LOC400499: variants seen among roughly 807,000 people sequenced by gnomAD.
At chr16:11,402,129 G>A in the LOC400499 span, 2 of 399,136 alleles carry the variant, frequency 5.0e-6, no homozygotes, top group East Asian at 3.6e-5. Context: ...TGTCGCGGCA[G>A]GGGGAGGGGC....
chr16:11,519,504 A>G, the LOC400499 span, among the ~76,000 whole-genome samples: 2 of 152,190 alleles, frequency 1.3e-5, no homozygotes, highest in Admixed American at 1.3e-4. Flanking sequence ...TGGGAGGGCA[A>G]GGCAGGCGGA....
chr16:11,482,658 AG>A, the LOC400499 span, among the ~76,000 whole-genome samples: 1 of 152,198 alleles, frequency 6.6e-6, no homozygotes, highest in Admixed American at 6.5e-5. Context: ...TGGGAGGCTG[AG>A]GCAGGAGGAT....
the LOC400499 span, chr16:11,396,760 G>A: frequency 8.9e-7 from 1 of 1,123,018 alleles, no homozygotes; most frequent in Non-Finnish European, 1.1e-6. Context: ...GAATGCAGCA[G>A]CAGCTGCCAC....
the LOC400499 span, among the ~76,000 whole-genome samples, chr16:11,382,644 A>G: frequency 6.7e-6 from 1 of 149,520 alleles, no homozygotes; most frequent in African/African-American, 2.5e-5. Flanking sequence ...ACAGTGGTGT[A>G]CATTCAAATC....
chr16:11,376,528 C>G, the LOC400499 span, among the ~76,000 whole-genome samples: 26 of 152,280 alleles, frequency 1.7e-4, no homozygotes, highest in Admixed American at 3.9e-4. Flanking sequence ...TTTCTAGACT[C>G]TGTATTTCAT....
the LOC400499 span, among the ~76,000 whole-genome samples, chr16:11,397,635 T>C: frequency 6.6e-6 from 1 of 152,092 alleles, no homozygotes; most frequent in Non-Finnish European, 1.5e-5. Flanking sequence ...ATAGCTGCTT[T>C]CACAAGACAG....
chr16:11,526,113 C>T, the LOC400499 span, among the ~76,000 whole-genome samples: 1 of 152,160 alleles, frequency 6.6e-6, no homozygotes, highest in South Asian at 2.1e-4. Flanking sequence ...GAAATAAAAG[C>T]CCAAATATCA....
the LOC400499 span, among the ~76,000 whole-genome samples, chr16:11,470,289 G>A: frequency 9.9e-5 from 15 of 152,196 alleles, no homozygotes; most frequent in East Asian, 2.9e-3. Context: ...TCACCTGAGG[G>A]CTTCAGAACA....
At chr16:11,481,537 G>T in the LOC400499 span, among the ~76,000 whole-genome samples, 341 of 152,292 alleles carry the variant, frequency 2.2e-3, 1 homozygote, top group African/African-American at 7.7e-3. Context: ...TGGCCAGGCT[G>T]GTCTCGAACT....
At chr16:11,436,937 T>G in the LOC400499 span, among the ~76,000 whole-genome samples, 3 of 152,102 alleles carry the variant, frequency 2.0e-5, no homozygotes, top group Admixed American at 6.6e-5. Context: ...TTAGATGAGC[T>G]GCTGAATAAA....
chr16:11,425,962 A>G, the LOC400499 span, among the ~76,000 whole-genome samples: 1 of 152,220 alleles, frequency 6.6e-6, no homozygotes, highest in Non-Finnish European at 1.5e-5. Flanking sequence ...AGTATTAGGA[A>G]ACCAAATTCA....
At chr16:11,464,919 A>T in the LOC400499 span, among the ~76,000 whole-genome samples, 1 of 152,228 alleles carries the variant, frequency 6.6e-6, no homozygotes, top group Admixed American at 6.5e-5. Context: ...AGTCTCAGCC[A>T]TCAGGCAGGT....
the LOC400499 span, among the ~76,000 whole-genome samples, chr16:11,452,746 C>T: frequency 6.6e-6 from 1 of 152,252 alleles, no homozygotes; most frequent in African/African-American, 2.4e-5. Context: ...GTCCTGCAAA[C>T]TTGTCACCAT....
chr16:11,389,621 G>A, the LOC400499 span, among the ~76,000 whole-genome samples: 1 of 123,778 alleles, frequency 8.1e-6, no homozygotes, highest in Non-Finnish European at 1.6e-5. Flanking sequence ...GGAAGTGAAG[G>A]TTTCAGTGAG....
the LOC400499 span, chr16:11,435,705 T>C: frequency 2.5e-6 from 1 of 399,220 alleles, no homozygotes; most frequent in Non-Finnish European, 4.4e-6. Context: ...CGAACAGCCC[T>C]GGGGGCACTG....
chr16:11,526,367 T>A, the LOC400499 span, among the ~76,000 whole-genome samples: 4 of 152,270 alleles, frequency 2.6e-5, no homozygotes, highest in South Asian at 8.3e-4. Context: ...CTGGGCAACA[T>A]GGTGAAACCC....
the LOC400499 span, among the ~76,000 whole-genome samples, chr16:11,509,758 G>A: frequency 6.6e-6 from 1 of 152,076 alleles, no homozygotes; most frequent in Non-Finnish European, 1.5e-5. Flanking sequence ...TTGAACCTGG[G>A]AGGCTGAGGT....
the LOC400499 span, chr16:11,460,859 AC>A: frequency 1.3e-4 from 175 of 1,383,660 alleles, no homozygotes; most frequent in Middle Eastern, 2.6e-3. Context: ...CTAATGGAAA[AC>A]CCCGTGGTGA....
the LOC400499 span, among the ~76,000 whole-genome samples, chr16:11,407,644 C>T: frequency 6.6e-6 from 1 of 152,180 alleles, no homozygotes; most frequent in African/African-American, 2.4e-5. Flanking sequence ...AGTACTGTTG[C>T]AGACAGCAGG....
Sources: gnomAD v4.1 joint callset for allele counts (sites outside exome capture counted in the v4.1 genomes callset) on GRCh38, gnomAD v4.1.1 for gene constraint, MANE v1.5 for transcripts.